Variants in ADAM17 observed in about 807,000 individuals in gnomAD.
ADAM17 encodes the protein disintegrin and metalloproteinase domain-containing protein 17.
ADAM17 carries 39 observed loss-of-function variants against 96.7 expected under a neutral mutation model. That is an observed-to-expected ratio of 0.40 (90% confidence interval 0.31 to 0.53). The LOEUF (loss-of-function observed/expected upper bound fraction) is 0.53, where lower values mean the gene tolerates loss of function less well. ADAM17 is among the 20% of genes least tolerant of loss of function. The probability of loss-of-function intolerance (pLI) is 0.44; values close to 1 mark genes in which losing one functional copy is unlikely to be tolerated. For missense variants in ADAM17, 777 were observed against 1,013.2 expected (o/e 0.77, Z 3.17); for synonymous variants, 344 against 359.2 (o/e 0.96, Z 0.48).
intron 3 of ADAM17, among the ~76,000 whole-genome samples, 169 bp downstream of exon 3, chr2:9,536,529 T>C (rs1664967706): frequency 6.6e-6 from 1 of 152,160 alleles, no homozygotes; most frequent in African/African-American, 2.4e-5. Context: ...TTCCTTCTAT[T>C]AGAATGTTCC....
chr2:9,494,658 T>C lies in ADAM17; in HGVS notation c.1893A>G (p.Thr631=), dbSNP rs750726481. 2 of 1,614,068 alleles carry C rather than the reference T, an allele frequency of 1.2e-6. No individual in the cohort carries two copies. Among genetic ancestry groups the C allele is most frequent in the Non-Finnish European group, 1.7e-6 (2 of 1,179,942 alleles). The change falls in exon 15 of 19, where the codon ACA becomes ACG. Residue 631 remains threonine (T), a synonymous_variant. Coordinates refer to ENST00000310823, the MANE Select transcript of ADAM17 (RefSeq NM_003183.6). ...TCACATTCATGTCACAAAATCCTAC[T>C]GTACAGGGCTTTCCTTTCCTCAAAA... is the stretch of plus-strand genomic sequence containing the variant. ...NLFLRKGKPC[T]VGFCDMNGKC...
chr2:9,490,264 C>T lies in ADAM17; in HGVS notation c.2388G>A (p.Thr796=), dbSNP rs149361049. ...TTTCACTTCTGGTGACCGGATGGTC[C>T]GTGAGATCCTCAAATGACTTGGCAG... ...STAAKSFEDL[T]DHPVTRSEKA... Residue 796 remains threonine (T), a synonymous_variant, in exon 19 of 19, where the codon ACG becomes ACA. Transcript: ENST00000310823. The T allele has an allele frequency of 7.4e-5, 119 of 1,613,956 alleles. 1 individual carries two copies. In the Middle Eastern group the frequency reaches 9.9e-4, roughly 13 times the overall value.
intron 5 of ADAM17, among the ~76,000 whole-genome samples, chr2:9,526,727 C>T (rs1664545914): frequency 1.3e-5 from 2 of 151,960 alleles, no homozygotes; most frequent in Non-Finnish European, 1.5e-5. Context: ...ACCCAGGGTG[C>T]GGAGGTTGCA....
At chr2:9,518,055 T>C in intron 9 of ADAM17, 48 bp downstream of exon 9, 1 of 1,572,538 alleles carries the variant, frequency 6.4e-7, no homozygotes. Context: ...AATCCAATCA[T>C]CTTAATAATC....
chr2:9,490,811 G>C (rs1005624007), intron 18 of ADAM17, among the ~76,000 whole-genome samples: 5 of 152,214 alleles, frequency 3.3e-5, no homozygotes, highest in African/African-American at 1.2e-4. Context: ...CTCAAGGTAA[G>C]ATCCCAAGAG....
In ADAM17 at chr2:9,555,818, T is replaced by A. The variant is rs1300225590; in HGVS notation, c.-213A>T. 1 of 431,942 alleles carries A rather than the reference T, an allele frequency of 2.3e-6. No homozygotes were observed. The highest frequency in any genetic ancestry group is 4.1e-6 in the Non-Finnish European group (1 of 245,418). The allele number at this position is 431,942 out of a possible 1,614,324, so 26.8% of individuals were successfully genotyped here. ...TTACCAAAGGCCGGCTCAGCCAGCT[T>A]CCGGCCGCCGCTGTCCCCCGCACCA... On this transcript the variant is annotated 5_prime_UTR_variant, in exon 1 of 19. Transcript: ENST00000310823.
intron 15 of ADAM17, 136 bp downstream of exon 15, chr2:9,494,501 A>G: frequency 1.0e-6 from 1 of 981,304 alleles, no homozygotes; most frequent in Non-Finnish European, 1.5e-6. Context: ...CCTAAGTAAT[A>G]CCCGTAGATA....
At chr2:9,505,068 T>A (rs1663303272) in intron 12 of ADAM17, 98 bp downstream of exon 12, 1 of 1,316,836 alleles carries the variant, frequency 7.6e-7, no homozygotes, top group Admixed American at 2.0e-5. Flanking sequence ...CTCACACCCC[T>A]TTCAGTTGAT....
chr2:9,517,001 C>T (rs1346424308), intron 10 of ADAM17, among the ~76,000 whole-genome samples: 1 of 152,100 alleles, frequency 6.6e-6, no homozygotes. Context: ...TTTAGAAGGG[C>T]CAGACTAGGC....
At chr2:9,514,629 T>G (rs1298184358) in intron 10 of ADAM17, among the ~76,000 whole-genome samples, 1 of 145,856 alleles carries the variant, frequency 6.9e-6, no homozygotes, top group Non-Finnish European at 1.5e-5. Flanking sequence ...ATTCCAACAC[T>G]TTGGGAGGCC....
rs188009907 is a variant in ADAM17 at position 9,528,856 on chromosome 2, T to A, written c.451-902A>T. Among the ~76,000 whole-genome samples, 333 of 152,344 alleles carry A rather than the reference T, an allele frequency of 2.2e-3. 1 individual carries two copies. Among genetic ancestry groups the A allele is most frequent in the African/African-American group, 7.8e-3 (323 of 41,574 alleles). On this transcript the variant is annotated intron_variant, in intron 4 of 18. Coordinates refer to ENST00000310823, the MANE Select transcript of ADAM17 (RefSeq NM_003183.6). ...ACCCTCACATATGCTGATGAGAATG[T>A]AAAATGGTAAAACCACTTTAGAAAA... is the stretch of plus-strand genomic sequence containing the variant.
chr2:9,492,074 C>G (rs1662202076), intron 17 of ADAM17, among the ~76,000 whole-genome samples: 1 of 152,194 alleles, frequency 6.6e-6, no homozygotes. Context: ...GAGATGGCCC[C>G]TAGGCAGGAG....
At chr2:9,522,609 T>C (rs974062330) in intron 7 of ADAM17, among the ~76,000 whole-genome samples, 1 of 152,194 alleles carries the variant, frequency 6.6e-6, no homozygotes, top group African/African-American at 2.4e-5. Context: ...TATGGTTTAC[T>C]ACAAAAAGCT....
At position 9,502,173 on chromosome 2, in the gene ADAM17, C is replaced by T; in HGVS notation, c.1648G>A (p.Gly550Ser). The T allele has an allele frequency of 6.2e-7, 1 of 1,613,392 alleles. No homozygotes were observed. Among genetic ancestry groups the T allele is most frequent in the Non-Finnish European group, 8.5e-7 (1 of 1,179,460 alleles). Residue 550 changes from glycine to serine, a missense_variant and splice_region_variant, in exon 13 of 19, where the codon GGT becomes AGT. Gly to Ser is a moderately conservative substitution (Grantham distance 56). Around this residue, in one of 3 missense-constraint regions of ADAM17, gnomAD observed 446 missense variants for 664.7 expected, o/e 0.67. Coordinates refer to ENST00000310823, the MANE Select transcript of ADAM17 (RefSeq NM_003183.6). ...ATCKGVSYCT[G>S]NSSECPPPGN... Reference sequence around the variant, plus strand: ...CCAAGGAAGCAACAAGAACACGAACCTGTGCAGTAGGACACGCCTTTGCAA... The same window carrying T: ...CCAAGGAAGCAACAAGAACACGAACTTGTGCAGTAGGACACGCCTTTGCAA...
intron 6 of ADAM17, among the ~76,000 whole-genome samples, chr2:9,524,179 C>T (rs1181548324): frequency 6.6e-6 from 1 of 152,034 alleles, no homozygotes; most frequent in Non-Finnish European, 1.5e-5. Context: ...CAACAGTAGA[C>T]TATTAGTAGT....
intron 12 of ADAM17, among the ~76,000 whole-genome samples, chr2:9,503,202 C>T (rs1653724302): frequency 6.6e-6 from 1 of 151,296 alleles, no homozygotes. Context: ...CAATCCATAG[C>T]TAAGACACTC....
intron 4 of ADAM17, among the ~76,000 whole-genome samples, chr2:9,533,800 G>A (rs1664846672): frequency 6.6e-6 from 1 of 152,102 alleles, no homozygotes; most frequent in African/African-American, 2.4e-5. Context: ...AACTACAGAG[G>A]ACATGTGTCC....
At chr2:9,518,699 T>C (rs1290652485) in intron 8 of ADAM17, among the ~76,000 whole-genome samples, 2 of 152,200 alleles carry the variant, frequency 1.3e-5, no homozygotes, top group East Asian at 1.9e-4. Flanking sequence ...TATATTGTCA[T>C]TTATATAAAT....
chr2:9,518,274 A>AAAAAAAAAAAC, intron 8 of ADAM17, 27 bp from the exon 9 acceptor site: 1 of 1,519,626 alleles, frequency 6.6e-7, no homozygotes. Context: ...AAAAAAAAAA[A>AAAAAAAAAAAC]AAAAAAAGCA....
Sources: allele counts gnomAD v4.1 joint callset (sites outside exome capture counted in the v4.1 genomes callset), GRCh38; gene constraint gnomAD v4.1.1; regional missense constraint gnomAD v4.1.1; transcripts MANE v1.5; gene names NCBI Gene and HGNC (gene_info 2026-07-23, HGNC 2026-07-21).